Variants in GPATCH2 observed in about 807,000 individuals in gnomAD.
GPATCH2 encodes the protein G-patch domain containing 2, also known as G patch domain-containing protein 2.
A neutral mutation model predicts 58.0 loss-of-function variants in GPATCH2; 51 were observed. The observed-to-expected ratio is 0.88, with a 90% CI of 0.70 to 1.11. The LOEUF is 1.11. GPATCH2 is among the 50% of genes most tolerant of loss of function. The probability of loss-of-function intolerance (pLI) is 0.00; values close to 1 mark genes in which losing one functional copy is unlikely to be tolerated. For missense variants in GPATCH2, 625 were observed against 652.2 expected, an observed-to-expected ratio of 0.96 and a Z score of 0.45; for synonymous variants, 222 against 218.5, an observed-to-expected ratio of 1.02 and a Z score of -0.14.
intron 9 of GPATCH2, among the ~76,000 whole-genome samples, chr1:217,433,845 C>T (rs1025953031): frequency 1.1e-4 from 16 of 152,312 alleles, no homozygotes; most frequent in Admixed American, 4.6e-4. Context: ...AAGTGAGTCA[C>T]GCTCTGTGAT....
At chr1:217,606,553 C>A (rs1314532702) in intron 5 of GPATCH2, among the ~76,000 whole-genome samples, 1 of 152,012 alleles carries the variant, frequency 6.6e-6, no homozygotes, top group African/African-American at 2.4e-5. Context: ...CCAGCCTGGA[C>A]AACATGGCAA....
In GPATCH2 at chr1:217,574,755, T is replaced by C. The variant is rs115191027; in HGVS notation, c.1098+35566A>G. Reference sequence around the variant, plus strand: ...AAAGGTACAGAGATTAAGTAAACTGTACAAAATCACTCAGTCAATAATAAG... The same window carrying C: ...AAAGGTACAGAGATTAAGTAAACTGCACAAAATCACTCAGTCAATAATAAG... On this transcript the variant is annotated intron_variant, in intron 5 of 9. Coordinates refer to ENST00000366935, the MANE Select transcript of GPATCH2 (RefSeq NM_018040.5). 6.1e-3 allele frequency among the ~76,000 whole-genome samples: 930 copies of C among 152,168 alleles called. 12 individuals are homozygous for C. Among genetic ancestry groups the C allele is most frequent in the African/African-American group, 0.021 (869 of 41,530 alleles).
At chr1:217,473,572 A>G (rs1479269307) in intron 8 of GPATCH2, among the ~76,000 whole-genome samples, 4 of 152,146 alleles carry the variant, frequency 2.6e-5, no homozygotes, top group African/African-American at 9.7e-5. Flanking sequence ...AATATTAGAT[A>G]GATAAGAGGC....
chr1:217,581,071 T>C (rs1232332985), intron 5 of GPATCH2, among the ~76,000 whole-genome samples: 1 of 151,838 alleles, frequency 6.6e-6, no homozygotes, highest in Admixed American at 6.5e-5. Context: ...CCACGACTTA[T>C]TAAATCAGAA....
intron 6 of GPATCH2, among the ~76,000 whole-genome samples, chr1:217,509,945 A>C (rs1662764331): frequency 6.6e-6 from 1 of 152,226 alleles, no homozygotes; most frequent in South Asian, 2.1e-4. Flanking sequence ...ATTTGAGGGG[A>C]AACACCAATG....
intron 5 of GPATCH2, among the ~76,000 whole-genome samples, chr1:217,521,829 G>T (rs2102597921): frequency 6.6e-6 from 1 of 152,222 alleles, no homozygotes; most frequent in South Asian, 2.1e-4. Flanking sequence ...CCATAGAGAA[G>T]TACAAGGCTT....
At chr1:217,501,316 G>T (rs1261732213) in intron 6 of GPATCH2, among the ~76,000 whole-genome samples, 1 of 152,076 alleles carries the variant, frequency 6.6e-6, no homozygotes, top group Non-Finnish European at 1.5e-5. Flanking sequence ...CATTGCATGG[G>T]TGAACATAGT....
chr1:217,461,294 A>G (rs543361315), intron 8 of GPATCH2, among the ~76,000 whole-genome samples: 2 of 152,326 alleles, frequency 1.3e-5, no homozygotes, highest in East Asian at 1.9e-4. Flanking sequence ...TTGGAAACCT[A>G]TGACACAGTT....
chr1:217,477,621 G>C (rs1420472801), intron 8 of GPATCH2, among the ~76,000 whole-genome samples: 1 of 152,148 alleles, frequency 6.6e-6, no homozygotes, highest in Non-Finnish European at 1.5e-5. Flanking sequence ...AGTGGCCATG[G>C]GGTGAGGATC....
intron 5 of GPATCH2, among the ~76,000 whole-genome samples, chr1:217,592,177 T>G (rs1264826156): frequency 6.6e-6 from 1 of 152,002 alleles, no homozygotes; most frequent in Non-Finnish European, 1.5e-5. Flanking sequence ...ACAAGTTATA[T>G]TTTTTAACTG....
intron 8 of GPATCH2, among the ~76,000 whole-genome samples, chr1:217,468,851 C>CAGTT (rs1259694603): frequency 2.6e-5 from 4 of 151,506 alleles, no homozygotes; most frequent in African/African-American, 4.9e-5. Flanking sequence ...TTATCTAAGC[C>CAGTT]AGTTAATAGA....
chr1:217,466,968 T>A (rs1003311602), intron 8 of GPATCH2, among the ~76,000 whole-genome samples: 2 of 152,002 alleles, frequency 1.3e-5, no homozygotes, highest in Non-Finnish European at 2.9e-5. Context: ...AGGTCAGGAG[T>A]TTGAGACCAT....
intron 9 of GPATCH2, among the ~76,000 whole-genome samples, chr1:217,434,213 T>C (rs777911895): frequency 3.3e-5 from 5 of 152,224 alleles, no homozygotes; most frequent in African/African-American, 7.2e-5. Flanking sequence ...ACTAAAATTA[T>C]TGACCACTTG....
At chr1:217,623,848 G>C (rs552757336) in intron 1 of GPATCH2, among the ~76,000 whole-genome samples, 1 of 152,152 alleles carries the variant, frequency 6.6e-6, no homozygotes, top group African/African-American at 2.4e-5. Flanking sequence ...GTTGCAGTGA[G>C]CTGAGATCGC....
intron 8 of GPATCH2, among the ~76,000 whole-genome samples, chr1:217,489,398 A>C (rs541510315): frequency 1.4e-3 from 176 of 124,116 alleles, no homozygotes; most frequent in African/African-American, 7.5e-3. Flanking sequence ...CAAATGCTTA[A>C]CTGACTAATG....
chr1:217,439,969 T>G (rs571819680), intron 9 of GPATCH2, among the ~76,000 whole-genome samples: 2 of 152,354 alleles, frequency 1.3e-5, no homozygotes, highest in African/African-American at 4.8e-5. Flanking sequence ...CTTCTGAAAC[T>G]ATTCCAAAGG....
At chr1:217,431,430 A>G in intron 9 of GPATCH2, 65 bp from the exon 10 acceptor site, 1 of 951,652 alleles carries the variant, frequency 1.1e-6, no homozygotes, top group South Asian at 1.3e-5. Flanking sequence ...TTAGGCTATG[A>G]AAACGATGTT....
chr1:217,511,974 G>T (rs1409096326), intron 6 of GPATCH2, among the ~76,000 whole-genome samples: 3 of 152,102 alleles, frequency 2.0e-5, no homozygotes, highest in Non-Finnish European at 4.4e-5. Flanking sequence ...CTCTACATAG[G>T]TAAGGGGTGC....
intron 5 of GPATCH2, among the ~76,000 whole-genome samples, chr1:217,587,401 A>G (rs1476835464): frequency 1.3e-5 from 2 of 152,206 alleles, no homozygotes; most frequent in Non-Finnish European, 2.9e-5. Context: ...ATGACTACTT[A>G]AAATCCGAGA....
Sources: allele counts gnomAD v4.1 joint callset (sites outside exome capture counted in the v4.1 genomes callset), GRCh38; gene constraint gnomAD v4.1.1; transcripts MANE v1.5; gene names NCBI Gene and HGNC (gene_info 2026-07-23, HGNC 2026-07-21).